SLF2: variants seen among roughly 807,000 people sequenced by gnomAD.
The protein encoded by SLF2 is SMC5/6 complex localization factor 2.
A neutral mutation model predicts 124.3 loss-of-function variants in SLF2; 68 were observed. The ratio of observed to expected loss-of-function variants is 0.55; its 90% CI spans 0.45 to 0.67. SLF2 has a LOEUF of 0.67. Among genes scored for constraint, SLF2 ranks in the 30% least tolerant of loss-of-function variants. The pLI, the probability that SLF2 is intolerant of heterozygous loss-of-function variation, is 0.00. For synonymous variants in SLF2, 480 were observed against 478.8 expected (o/e 1.00, Z -0.03); for missense variants, 1,246 against 1,373.7 (o/e 0.91, Z 1.47).
At chr10:100,956,097 T>A (rs574076554) in intron 17 of SLF2, among the ~76,000 whole-genome samples, 4 of 151,562 alleles carry the variant, frequency 2.6e-5, no homozygotes, top group Admixed American at 1.3e-4. Context: ...TTTTTTTTTT[T>A]AAAAGGCTAG....
chr10:100,924,697 A>G lies in SLF2; in HGVS notation c.1696A>G (p.Ile566Val), dbSNP rs34653806. Residue 566 changes from isoleucine to valine, a missense_variant, in exon 5 of 20, where the codon ATC (isoleucine) becomes GTC (valine). Coordinates refer to ENST00000238961, the MANE Select transcript of SLF2 (RefSeq NM_018121.4). ...TGCTGCTTTGGAAGTTGTGCCATGT[A>G]TCCCAAGCCCTGCAGCACCTTCAGA... ...PPAALEVVPC[I>V]PSPAAPSDKA... 4.7e-4 allele frequency: 753 copies of G among 1,614,170 alleles called. 6 individuals carry two copies. The African/African-American group carries it at 8.6e-3, about 19-fold the overall frequency.
At position 100,963,866 on chromosome 10, in the gene SLF2, AT is replaced by A. The variant is rs780509118; in HGVS notation, c.*1957del. The A allele has an allele frequency of 3.3e-5, 5 of 152,552 alleles. No homozygotes were observed. The highest frequency in any genetic ancestry group is 7.4e-5 in the Non-Finnish European group (5 of 67,966). The allele number at this position is 152,552 out of a possible 1,614,324, so 9.4% of individuals were successfully genotyped here. On this transcript the variant is annotated 3_prime_UTR_variant, in exon 20 of 20. Transcript: ENST00000238961. ...TTTAAAACCACTTTGATACATTTTT[AT>A]TTAACAGTTCCAATAAGAAAAAAAT...
Position 100,947,056 on chromosome 10 carries a change from G to A in SLF2, c.2952G>A (p.Leu984=). Residue 984 remains leucine, a synonymous_variant, in exon 14 of 20, where the codon CTG becomes CTA. Transcript: ENST00000238961. The stretch of plus-strand genomic sequence containing the variant: ...TTTTTCAGGTGCCTGAACTCTGTCT[G>A]GGCATAAATGAACTCTCCAGTCATC... ...DWNTKVPELC[L]GINELSSHPH... 1 of 1,613,150 alleles carries A rather than the reference G, an allele frequency of 6.2e-7. No individual in the cohort carries two copies. The highest frequency in any genetic ancestry group is 1.1e-5 in the South Asian group (1 of 91,020).
At position 100,929,412 on chromosome 10, in the gene SLF2, A is replaced by G; in HGVS notation, c.2138A>G (p.Asp713Gly). The change falls in exon 7 of 20, where the codon GAT becomes GGT. Residue 713 changes from aspartate (D) to glycine (G), a missense_variant. Around this residue, in one of 3 missense-constraint regions of SLF2, gnomAD observed 535 missense variants for 632.8 expected, o/e 0.85. Coordinates refer to ENST00000238961, the MANE Select transcript of SLF2 (RefSeq NM_018121.4). ...ATTGGAGAAGAAGACAGTACAGATG[A>G]TGAGGATGGCCTCTTAGAAGAGCAC... is the stretch of plus-strand genomic sequence containing the variant. Reference protein sequence around the residue: ...IRIGEEDSTDDEDGLLEEHKE... With the variant: ...IRIGEEDSTDGEDGLLEEHKE... 6.2e-7 allele frequency: 1 copy of G among 1,611,978 alleles called. No homozygotes were observed. Among genetic ancestry groups the G allele is most frequent in the Non-Finnish European group, 8.5e-7 (1 of 1,178,700 alleles).
Position 100,929,307 on chromosome 10 carries a change from C to A in SLF2, c.2043-10C>A. 1 of 1,598,986 alleles carries A rather than the reference C, an allele frequency of 6.3e-7. No homozygotes were observed. The highest frequency in any genetic ancestry group is 1.1e-5 in the South Asian group (1 of 88,750). ...GAGTAAACTGTTATAACATTCTTTC[C>A]AATTCTCAGGCTAGATGAACTGCAG... On this transcript the variant is annotated splice_polypyrimidine_tract_variant and intron_variant, in intron 6 of 19. Coordinates refer to ENST00000238961, the MANE Select transcript of SLF2 (RefSeq NM_018121.4).
rs901344575 is a variant in SLF2, at chr10:100,929,760, C to A, written c.2166-70C>A. 5.7e-5 allele frequency: 70 copies of A among 1,227,614 alleles called. 1 individual carries two copies. The highest frequency in any genetic ancestry group is 6.0e-5 in the Non-Finnish European group (53 of 884,840). The allele number at this position is 1,227,614 out of a possible 1,614,324, so 76.0% of individuals were successfully genotyped here. A position where few individuals can be genotyped will look rare whatever the true frequency, so the allele number is the denominator to read the frequency against. The stretch of plus-strand genomic sequence containing the variant: ...GGCTTAAAAAATGGTTTTCTTTGCA[C>A]CCAGCTTTTAAATACAAAACTATAT... On this transcript the variant is annotated intron_variant, in intron 7 of 19. Coordinates refer to ENST00000238961, the MANE Select transcript of SLF2 (RefSeq NM_018121.4).
intron 10 of SLF2, 41 bp downstream of exon 10, chr10:100,937,518 T>C (rs757413315): frequency 1.8e-5 from 21 of 1,158,404 alleles, no homozygotes; most frequent in Non-Finnish European, 2.6e-5. Context: ...TGTGTATTAT[T>C]GGTTGCTATT....
chr10:100,947,096 T>C lies in SLF2; in HGVS notation c.2992T>C (p.Trp998Arg), dbSNP rs369920229. 3.1e-6 allele frequency: 5 copies of C among 1,609,526 alleles called. No individual in the cohort carries two copies. In the African/African-American group the frequency reaches 6.7e-5, roughly 22 times the overall value. The change falls in exon 14 of 20, where the codon TGG becomes CGG. Residue 998 changes from tryptophan to arginine, a missense_variant. By Grantham distance (101) the Trp-to-Arg change is moderately radical. This residue lies in a region of SLF2 where 535 missense variants were observed against 632.8 expected (regional missense o/e 0.85). Coordinates refer to ENST00000238961, the MANE Select transcript of SLF2 (RefSeq NM_018121.4). The stretch of plus-strand genomic sequence containing the variant: ...CTCCAGTCATCCCCACAACCTCCTG[T>C]GGTTGGTACAGCTGGTCCCTAATTG... ...ELSSHPHNLL[W>R]LVQLVPNWTS...
chr10:100,933,697 TGAGA>T (rs1233900458), intron 9 of SLF2, among the ~76,000 whole-genome samples: 1 of 152,210 alleles, frequency 6.6e-6, no homozygotes, highest in Admixed American at 6.5e-5. Flanking sequence ...TGTTTATTTT[TGAGA>T]GAGAGTCTCA....
At position 100,924,189 on chromosome 10, in the gene SLF2, G is replaced by A. The variant is rs145647066; in HGVS notation, c.1188G>A (p.Pro396=). 2.0e-5 allele frequency: 33 copies of A among 1,613,932 alleles called. 1 individual carries two copies. Among genetic ancestry groups the A allele is most frequent in the Admixed American group, 6.7e-5 (4 of 59,988 alleles). Reference sequence around the variant, plus strand: ...GCTTAGAAGATATATCCAAGGAACCGAGTGATGAAACTGATGGCTCTTCTG... The same window carrying A: ...GCTTAGAAGATATATCCAAGGAACCAAGTGATGAAACTGATGGCTCTTCTG... The part of the protein sequence containing the change: ...VLRLEDISKE[P]SDETDGSSAG... Residue 396 remains proline (P), a synonymous_variant, in exon 5 of 20, where the codon CCG becomes CCA. Transcript: ENST00000238961.
intron 11 of SLF2, among the ~76,000 whole-genome samples, chr10:100,941,336 T>G (rs113069097): frequency 7.2e-5 from 11 of 152,352 alleles, no homozygotes; most frequent in African/African-American, 2.6e-4. Context: ...TTGACCATTA[T>G]TCTGCTAGAT....
chr10:100,950,163 G>A lies in SLF2; in HGVS notation c.3208G>A (p.Asp1070Asn). ...MVLKKKAEQP[D>N]GIIDDSLHLE... ...CTTGAAGAAAAAGGCTGAACAACCA[G>A]ATGGCATTATTGATGACAGTCTTCA... Residue 1070 changes from aspartate to asparagine, a missense_variant, in exon 16 of 20, where the codon GAT becomes AAT. Coordinates refer to ENST00000238961, the MANE Select transcript of SLF2 (RefSeq NM_018121.4). The A allele has an allele frequency of 6.2e-7, 1 of 1,613,962 alleles. No homozygotes were observed. The highest frequency in any genetic ancestry group is 2.2e-5 in the East Asian group (1 of 44,840).
At chr10:100,950,392 T>G (rs1365129051) in intron 16 of SLF2, among the ~76,000 whole-genome samples, 185 bp downstream of exon 16, 2 of 152,220 alleles carry the variant, frequency 1.3e-5, no homozygotes, top group Non-Finnish European at 2.9e-5. Context: ...AATTTGAGAG[T>G]TGAAAATTTA....
At chr10:100,948,979 AAAAC>A (rs1035504647) in intron 15 of SLF2, among the ~76,000 whole-genome samples, 4 of 152,260 alleles carry the variant, frequency 2.6e-5, no homozygotes, top group African/African-American at 9.6e-5. Flanking sequence ...CCTAGGAATT[AAAAC>A]AAACAAAGAT....
intron 6 of SLF2, among the ~76,000 whole-genome samples, chr10:100,927,132 A>G (rs1849630511): frequency 6.6e-6 from 1 of 152,124 alleles, no homozygotes; most frequent in African/African-American, 2.4e-5. Context: ...CCATTTTTAC[A>G]TGTACAGTTC....
rs202030493 is a variant in SLF2 at position 100,923,046 on chromosome 10, GATTAC to G, written c.974-927_974-923del. On this transcript the variant is annotated intron_variant, in intron 4 of 19. Transcript: ENST00000238961. ...CCACTCCGGCCTCCCAAAATGCTGG[GATTAC>G]AGGTGTGACCCACCGCACTCAGCCC... Among the ~76,000 whole-genome samples, 34 of 152,238 alleles carry G rather than the reference GATTAC, an allele frequency of 2.2e-4. No homozygotes were observed. The East Asian group carries it at 6.4e-3, about 29-fold the overall frequency.
intron 6 of SLF2, among the ~76,000 whole-genome samples, chr10:100,928,068 C>T (rs992358476): frequency 1.5e-3 from 87 of 59,552 alleles, no homozygotes; most frequent in African/African-American, 4.7e-3. Context: ...CACACACACA[C>T]GAGAGAGAGA....
Position 100,944,550 on chromosome 10 carries a change from G to A in SLF2, c.2757+422G>A, listed in dbSNP as rs1328895546. ...TCTTACCAGGTGATTTCCAGTCTCTGAAATTTCTTAGCAATAATCTTTGTA... is the reference window on the plus strand; with the variant it reads ...TCTTACCAGGTGATTTCCAGTCTCTAAAATTTCTTAGCAATAATCTTTGTA... On this transcript the variant is annotated intron_variant, in intron 12 of 19. Transcript: ENST00000238961. Among the ~76,000 whole-genome samples, 6 of 150,248 alleles carry A rather than the reference G, an allele frequency of 4.0e-5. No homozygotes were observed. In the East Asian group the frequency reaches 1.2e-3, roughly 29 times the overall value.
Position 100,931,042 on chromosome 10 carries a change from C to T in SLF2, c.2400C>T (p.Val800=). The T allele has an allele frequency of 6.2e-7, 1 of 1,613,932 alleles. No individual in the cohort carries two copies. The highest frequency in any genetic ancestry group is 8.5e-7 in the Non-Finnish European group (1 of 1,179,916). ...QGFLTSAYHY[V]QCPVPVLKWL... ...TCCTTACGTCTGCTTATCACTATGT[C>T]CAGTGTCCTGTCCCTGTGTTAAAGT... is the stretch of plus-strand genomic sequence containing the variant. Residue 800 remains valine (V), a synonymous_variant, in exon 9 of 20, where the codon GTC becomes GTT. Transcript: ENST00000238961.
Sources: gnomAD v4.1 joint callset for allele counts (sites outside exome capture counted in the v4.1 genomes callset) on GRCh38, gnomAD v4.1.1 for gene constraint, gnomAD v4.1.1 regional missense constraint, MANE v1.5 for transcripts, NCBI Gene and HGNC (gene_info 2026-07-23, HGNC 2026-07-21) for gene names.